ANKFN1: variants seen among roughly 807,000 people sequenced by gnomAD.
The protein encoded by ANKFN1 is ankyrin repeat and fibronectin type-III domain-containing protein 1.
In ANKFN1, 74 loss-of-function variants were observed where a neutral mutation model predicts 108.7. The observed-to-expected ratio is 0.68, with a 90% CI of 0.56 to 0.83. The LOEUF is 0.83. ANKFN1 is among the 40% of genes least tolerant of loss of function. The pLI, the probability that ANKFN1 is intolerant of heterozygous loss-of-function variation, is 0.00. For missense variants in ANKFN1, 1,505 were observed against 1,382.3 expected (o/e 1.09, Z -1.41); for synonymous variants, 547 against 516.2 (o/e 1.06, Z -0.81).
intron 11 of ANKFN1, among the ~76,000 whole-genome samples, chr17:56,456,584 G>C (rs2049708015): frequency 6.6e-6 from 1 of 151,866 alleles, no homozygotes; most frequent in African/African-American, 2.4e-5. Flanking sequence ...TTTTAGTAGA[G>C]ACAGGGTTTC....
intron 4 of ANKFN1, among the ~76,000 whole-genome samples, chr17:56,329,293 C>A (rs961902561): frequency 2.6e-5 from 4 of 152,114 alleles, no homozygotes; most frequent in Non-Finnish European, 4.4e-5. Context: ...TGGGGGCCCT[C>A]ACTGGTACTG....
In ANKFN1 at chr17:56,194,942, C is replaced by T. The variant is rs536669092; in HGVS notation, c.-70-17656C>T. On this transcript the variant is annotated intron_variant, in intron 1 of 20. Transcript: ENST00000682825. ...AACAATATAGATGAGCCATCCTTTC[C>T]CTCCTTCCTATCATTCATCTCTGTT... Among the ~76,000 whole-genome samples the T allele has an allele frequency of 5.3e-5, 8 of 152,256 alleles. No individual in the cohort carries two copies. In the South Asian group the frequency reaches 1.7e-3, roughly 32 times the overall value.
intron 3 of ANKFN1, among the ~76,000 whole-genome samples, chr17:56,236,433 AT>A (rs148674083): frequency 0.017 from 2,540 of 152,062 alleles, 44 homozygotes; most frequent in Non-Finnish European, 0.023. Flanking sequence ...ATTCCTAGAT[AT>A]TTTATTCTTT....
chr17:56,434,015 G>A (rs1354606021), intron 8 of ANKFN1, among the ~76,000 whole-genome samples: 1 of 152,010 alleles, frequency 6.6e-6, no homozygotes, highest in African/African-American at 2.4e-5. Flanking sequence ...CGTCCTGGGC[G>A]ACAGAGCAAG....
At chr17:56,372,864 A>C (rs1250414459) in intron 7 of ANKFN1, 24 bp downstream of exon 7, 2 of 1,597,994 alleles carry the variant, frequency 1.3e-6, no homozygotes, top group Non-Finnish European at 1.7e-6. Context: ...GAAAATGTCT[A>C]CATTTCACTA....
At chr17:56,199,022 A>G (rs1174991475) in intron 1 of ANKFN1, among the ~76,000 whole-genome samples, 1 of 152,228 alleles carries the variant, frequency 6.6e-6, no homozygotes, top group Non-Finnish European at 1.5e-5. Flanking sequence ...ATCTTGGTTG[A>G]AATTTCATTA....
chr17:56,296,332 A>G (rs1208289174), intron 3 of ANKFN1, among the ~76,000 whole-genome samples: 1 of 152,224 alleles, frequency 6.6e-6, no homozygotes, highest in Non-Finnish European at 1.5e-5. Context: ...TTTGGCATTT[A>G]AATGAGTCTG....
chr17:56,101,233 A>G (rs1450844093), intron 4 of ANKFN1, among the ~76,000 whole-genome samples: 1 of 152,216 alleles, frequency 6.6e-6, no homozygotes, highest in Non-Finnish European at 1.5e-5. Context: ...AGTGTATGGT[A>G]TTCTGTTACA....
intron 3 of ANKFN1, among the ~76,000 whole-genome samples, chr17:56,282,768 T>C (rs529386401): frequency 3.9e-4 from 59 of 152,308 alleles, no homozygotes; most frequent in African/African-American, 1.4e-3. Flanking sequence ...TGTATCTACC[T>C]GTACCTAAAC....
chr17:56,268,709 TC>T (rs879778357), intron 3 of ANKFN1, among the ~76,000 whole-genome samples: 1 of 152,098 alleles, frequency 6.6e-6, no homozygotes, highest in Non-Finnish European at 1.5e-5. Flanking sequence ...TTTTTTTTTT[TC>T]CAAATACATC....
intron 4 of ANKFN1, among the ~76,000 whole-genome samples, chr17:56,056,054 T>C (rs1904871828): frequency 6.6e-6 from 1 of 152,072 alleles, no homozygotes; most frequent in Admixed American, 6.6e-5. Flanking sequence ...TCATGTTCTT[T>C]GCCCAGTTTT....
At chr17:56,354,103 C>T in intron 6 of ANKFN1, 57 bp downstream of exon 6, 1 of 1,535,038 alleles carries the variant, frequency 6.5e-7, no homozygotes, top group South Asian at 1.2e-5. Context: ...AGCCTTATGC[C>T]ACCAAAATAG....
At chr17:56,321,630 A>T (rs773085074) in intron 3 of ANKFN1, among the ~76,000 whole-genome samples, 1 of 152,188 alleles carries the variant, frequency 6.6e-6, no homozygotes, top group Non-Finnish European at 1.5e-5. Context: ...TATGGTCAGG[A>T]TTTTGCAGGG....
intron 4 of ANKFN1, among the ~76,000 whole-genome samples, chr17:56,345,280 TC>T (rs2046066985): frequency 6.6e-6 from 1 of 152,198 alleles, no homozygotes; most frequent in African/African-American, 2.4e-5. Flanking sequence ...ATTTTCTTTA[TC>T]CAGCCTATCA....
intron 18 of ANKFN1, among the ~76,000 whole-genome samples, chr17:56,482,921 T>C (rs2050757773): frequency 6.6e-6 from 1 of 152,000 alleles, no homozygotes; most frequent in South Asian, 2.1e-4. Flanking sequence ...TTCTCTCTCC[T>C]TTCCTCCCTT....
At chr17:56,095,465 C>T (rs560531823) in intron 4 of ANKFN1, among the ~76,000 whole-genome samples, 5 of 150,858 alleles carry the variant, frequency 3.3e-5, no homozygotes, top group East Asian at 1.9e-4. Context: ...CTAATTTTTG[C>T]GTCTTTTTGT....
At position 56,174,148 on chromosome 17, in the gene ANKFN1, T is replaced by G; in HGVS notation, c.-71+20618T>G. On this transcript the variant is annotated intron_variant, in intron 1 of 20. Transcript: ENST00000682825. ...GTGGTGCAGTTGGGAGGGGAGGGAC[T>G]GCATTCATTCTCTGGAGGCTGCATT... The G allele has an allele frequency of 3.1e-6, 3 of 981,020 alleles. No individual in the cohort carries two copies. In the South Asian group the frequency reaches 1.4e-4, roughly 46 times the overall value. 60.8% of individuals were successfully genotyped at this position (981,020 alleles called of 1,614,324 possible). A position where few individuals can be genotyped will look rare whatever the true frequency, so the allele number is the denominator to read the frequency against.
chr17:56,258,143 G>T (rs1159845647), intron 3 of ANKFN1: 1 of 152,192 alleles, frequency 6.6e-6, no homozygotes. Context: ...TGCACATGAT[G>T]ATTTTATTAA....
rs576033267 is a variant in ANKFN1, at chr17:56,061,011, C to T, written c.288+14686C>T. On this transcript the variant is annotated intron_variant, in intron 4 of 12. Coordinates refer to the ANKFN1 transcript ENST00000635860. ...TGGAATAGTTTCAGAAGGAATGGTA[C>T]CAGCTCCTTTTTGTACCTCTAGAAG... Among the ~76,000 whole-genome samples the T allele has an allele frequency of 1.4e-4, 21 of 152,244 alleles. 1 individual carries two copies. Among genetic ancestry groups the T allele is most frequent in the African/African-American group, 5.1e-4 (21 of 41,540 alleles).
Sources: gnomAD v4.1 joint callset for allele counts (sites outside exome capture counted in the v4.1 genomes callset) on GRCh38, gnomAD v4.1.1 for gene constraint, MANE v1.5 for transcripts, NCBI Gene and HGNC (gene_info 2026-07-23, HGNC 2026-07-21) for gene names.